RAB40A: variants seen among roughly 807,000 people sequenced by gnomAD.
RAB40A encodes RAB40A, member RAS oncogene family.
For synonymous variants in RAB40A, 65 were observed against 99.9 expected, an observed-to-expected ratio of 0.65 and a Z score of 2.08; for missense variants, 145 against 230.2, an observed-to-expected ratio of 0.63 and a Z score of 2.40.
chrX:103,510,527 G>A lies in RAB40A; in HGVS notation c.-71+6847C>T, dbSNP rs62591316. On this transcript the variant is annotated intron_variant, in intron 2 of 2. Coordinates refer to ENST00000304236, the MANE Select transcript of RAB40A (RefSeq NM_080879.3). ...TGTTACAAAAGTAAATAGGATGAAA[G>A]TGAGTAGAATGAAACTTTGTCTTTC... 1.9e-4 allele frequency among the ~76,000 whole-genome samples: 21 copies of A among 112,495 alleles called. No individual in the cohort carries two copies. In the South Asian group the frequency reaches 5.9e-3, roughly 32 times the overall value.
chrX:103,496,043 C>G (rs1034210324), downstream of RAB40A, among the ~76,000 whole-genome samples: 1 of 111,979 alleles, frequency 8.9e-6, no homozygotes, highest in Non-Finnish European at 1.9e-5. Flanking sequence ...CATATGATAT[C>G]AATGGTGATG....
intron 2 of RAB40A, among the ~76,000 whole-genome samples, chrX:103,508,318 A>C (rs2073267850): frequency 9.0e-6 from 1 of 111,534 alleles, no homozygotes; most frequent in African/African-American, 3.3e-5. Flanking sequence ...AGGGTCTCCT[A>C]GGGAGGGTGA....
At position 103,500,523 on chromosome X, in the gene RAB40A, G is replaced by C. The variant is rs760971122; in HGVS notation, c.234C>G (p.Thr78=). ...CACCACGAGAGTAGGAGCGGAATAT[G>C]GTACAAAATCTTCCCTGCCCCGACG... ...WDTSGQGRFC[T]IFRSYSRGAQ... Residue 78 remains threonine, a synonymous_variant, in exon 3 of 3, where the codon ACC becomes ACG. Transcript: ENST00000304236. 8.3e-6 allele frequency: 10 copies of C among 1,211,133 alleles called. No homozygotes were observed. Among genetic ancestry groups the C allele is most frequent in the Admixed American group, 6.5e-5 (3 of 46,037 alleles).
intron 1 of RAB40A, among the ~76,000 whole-genome samples, chrX:103,518,640 C>A (rs939709697): frequency 2.7e-5 from 3 of 111,691 alleles, no homozygotes; most frequent in African/African-American, 9.8e-5. Context: ...TGGATTAAAA[C>A]ACATTATAAT....
chrX:103,497,347 AGATGGATGGATG>A (rs201929979), downstream of RAB40A, among the ~76,000 whole-genome samples: 3 of 110,505 alleles, frequency 2.7e-5, no homozygotes, highest in African/African-American at 9.9e-5. Context: ...GGGGATGGAT[AGATGGATGGATG>A]GATGGATGGA....
chrX:103,502,758 C>T, intron 2 of RAB40A: 3 of 763,308 alleles, frequency 3.9e-6, no homozygotes, highest in Non-Finnish European at 4.7e-6. Context: ...CTGCCACTTA[C>T]CTGGGAAGGT....
chrX:103,500,868 G>A (rs1420817050), intron 2 of RAB40A, 42 bp from the exon 3 acceptor site: 2 of 1,097,961 alleles, frequency 1.8e-6, no homozygotes, highest in African/African-American at 3.7e-5. Context: ...ATGAGATGGG[G>A]AAGTCTGTGA....
At chrX:103,501,842 A>C (rs2073229823) in intron 2 of RAB40A, 1 of 123,609 alleles carries the variant, frequency 8.1e-6, no homozygotes, top group Admixed American at 9.4e-5. Context: ...CAAAAGAAAA[A>C]GATGCAAAAG....
intron 2 of RAB40A, 63 bp from the exon 3 acceptor site, chrX:103,500,889 A>G: frequency 9.5e-7 from 1 of 1,055,278 alleles, no homozygotes; most frequent in South Asian, 2.5e-5. Flanking sequence ...AATAAAGCGA[A>G]ATGAGGTGGT....
intron 2 of RAB40A, among the ~76,000 whole-genome samples, chrX:103,512,074 A>T (rs2073293441): frequency 9.0e-6 from 1 of 111,537 alleles, no homozygotes; most frequent in Non-Finnish European, 1.9e-5. Context: ...AGGAAAGGAA[A>T]GATTCTTCCC....
intron 2 of RAB40A, among the ~76,000 whole-genome samples, 161 bp downstream of exon 2, chrX:103,517,213 G>A (rs1163310128): frequency 2.7e-5 from 3 of 111,511 alleles, no homozygotes; most frequent in Admixed American, 9.5e-5. Context: ...CAGGGCACAC[G>A]GTAGATAAAT....
At chrX:103,498,319 C>T (rs941710043), downstream of RAB40A, among the ~76,000 whole-genome samples, 1 of 112,391 alleles carries the variant, frequency 8.9e-6, no homozygotes, top group African/African-American at 3.2e-5. Context: ...CCCAGACACA[C>T]TCCCTTGTCT....
intron 2 of RAB40A, among the ~76,000 whole-genome samples, chrX:103,505,901 C>T (rs938121970): frequency 8.9e-6 from 1 of 111,891 alleles, no homozygotes; most frequent in Non-Finnish European, 1.9e-5. Flanking sequence ...TTTAGACTGA[C>T]AATCTACCTG....
chrX:103,503,297 C>CTG, intron 2 of RAB40A: 1 of 753,638 alleles, frequency 1.3e-6, no homozygotes, highest in Non-Finnish European at 1.6e-6. Context: ...GTCTGGGCAA[C>CTG]TGTGTCCATA....
At chrX:103,494,573 CTTT>C (rs779795541), downstream of RAB40A, among the ~76,000 whole-genome samples, 1 of 112,076 alleles carries the variant, frequency 8.9e-6, no homozygotes. Context: ...AGATTTAAGC[CTTT>C]AACTGATATT....
At chrX:103,512,205 C>G (rs1370680840) in intron 2 of RAB40A, among the ~76,000 whole-genome samples, 4 of 111,949 alleles carry the variant, frequency 3.6e-5, no homozygotes. Context: ...GTGTTGCATC[C>G]AGAACTGTGA....
Position 103,500,580 on chromosome X carries a change from G to A in RAB40A, c.177C>T (p.Asp59=), listed in dbSNP as rs1332331893. Residue 59 remains aspartate (D), a synonymous_variant, in exon 3 of 3, where the codon GAC becomes GAT. Transcript: ENST00000304236. The part of the protein sequence containing the change: ...IDYKTTTILL[D]GQRVKLKLWD... ...AGAGCTTCAGCTTCACCCGCTGGCC[G>A]TCCAGCAGGATGGTGGTCGTCTTGT... 15 of 1,209,263 alleles carry A rather than the reference G, an allele frequency of 1.2e-5. No individual in the cohort carries two copies. The highest frequency in any genetic ancestry group is 2.3e-4 in the Middle Eastern group (1 of 4,374).
chrX:103,499,756 G>T lies in RAB40A; in HGVS notation c.*167C>A. ...AAATAGAAATTCAAAGTCAAACTGTGTAATGTGTTTTTATTGACAGAAGGC... is the reference window on the plus strand; with the variant it reads ...AAATAGAAATTCAAAGTCAAACTGTTTAATGTGTTTTTATTGACAGAAGGC... On this transcript the variant is annotated 3_prime_UTR_variant, in exon 3 of 3. Transcript: ENST00000304236. 1.8e-6 allele frequency: 1 copy of T among 554,639 alleles called. No individual in the cohort carries two copies. Among genetic ancestry groups the T allele is most frequent in the Non-Finnish European group, 3.0e-6 (1 of 333,327 alleles). The allele number at this position is 554,639 out of a possible 1,213,427, so 45.7% of individuals were successfully genotyped here.
chrX:103,503,299 G>A (rs2147580437), intron 2 of RAB40A: 1 of 751,469 alleles, frequency 1.3e-6, no homozygotes, highest in South Asian at 6.9e-5. Context: ...CTGGGCAACT[G>A]TGTCCATAGG....
Sources: allele counts gnomAD v4.1 joint callset (sites outside exome capture counted in the v4.1 genomes callset), GRCh38; gene constraint gnomAD v4.1.1; transcripts MANE v1.5; gene names NCBI Gene and HGNC (gene_info 2026-07-23, HGNC 2026-07-21).